The following ERC2 variants were observed in gnomAD, a reference collection of about 807,000 sequenced individuals.
ERC2 encodes the protein ELKS/RAB6-interacting/CAST family member 2.
In ERC2, 42 loss-of-function variants were observed where a neutral mutation model predicts 114.8. The ratio of observed to expected loss-of-function variants is 0.37; its 90% CI spans 0.29 to 0.47. The LOEUF is 0.47. ERC2 is among the 20% of genes least tolerant of loss of function. The pLI is 0.99. For missense variants in ERC2, 939 were observed against 1,150.7 expected (o/e 0.82, Z 2.66); for synonymous variants, 454 against 425.5 (o/e 1.07, Z -0.82).
chr3:55,798,060 A>G (rs1375214841), intron 14 of ERC2, among the ~76,000 whole-genome samples: 2 of 152,206 alleles, frequency 1.3e-5, no homozygotes, highest in East Asian at 3.9e-4. Flanking sequence ...TGTGAATAGG[A>G]CATCAAGCAA....
intron 13 of ERC2, among the ~76,000 whole-genome samples, chr3:55,921,203 C>T (rs895445642): frequency 9.9e-5 from 15 of 152,030 alleles, no homozygotes; most frequent in Non-Finnish European, 2.1e-4. Context: ...CCTTAATTAC[C>T]CACCAACATG....
intron 17 of ERC2, among the ~76,000 whole-genome samples, chr3:55,678,091 A>T (rs754924538): frequency 2.6e-5 from 4 of 152,230 alleles, no homozygotes; most frequent in Non-Finnish European, 5.9e-5. Flanking sequence ...GACACCTTCC[A>T]GAGGAGTAGA....
intron 3 of ERC2, among the ~76,000 whole-genome samples, chr3:56,224,751 CA>C (rs1302884708): frequency 6.6e-6 from 1 of 152,198 alleles, no homozygotes; most frequent in Non-Finnish European, 1.5e-5. Context: ...GACAACTGCA[CA>C]TTATTCTCTT....
chr3:56,017,990 C>G (rs1169212451), intron 8 of ERC2, among the ~76,000 whole-genome samples: 1 of 152,044 alleles, frequency 6.6e-6, no homozygotes, highest in Non-Finnish European at 1.5e-5. Context: ...TGGAGTCTAG[C>G]AGAGAAGAGA....
At chr3:56,212,785 A>G (rs2049154834) in intron 3 of ERC2, among the ~76,000 whole-genome samples, 1 of 129,568 alleles carries the variant, frequency 7.7e-6, no homozygotes, top group East Asian at 2.1e-4. Context: ...TGGTATATAC[A>G]TATACATATA....
At chr3:55,953,713 G>C (rs1253611662) in intron 12 of ERC2, among the ~76,000 whole-genome samples, 1 of 152,090 alleles carries the variant, frequency 6.6e-6, no homozygotes, top group Non-Finnish European at 1.5e-5. Flanking sequence ...GATACAGGTA[G>C]AGGAGTCATG....
intron 12 of ERC2, among the ~76,000 whole-genome samples, chr3:55,973,478 C>T (rs1202089937): frequency 6.6e-6 from 1 of 152,182 alleles, no homozygotes; most frequent in Non-Finnish European, 1.5e-5. Flanking sequence ...TTCCCCACTG[C>T]CTTCAGAATA....
chr3:56,344,214 A>C (rs568903415), intron 2 of ERC2, among the ~76,000 whole-genome samples: 1 of 152,368 alleles, frequency 6.6e-6, no homozygotes, highest in East Asian at 1.9e-4. Context: ...GAAAAGGGCC[A>C]AGGCAGGCCT....
chr3:56,232,360 T>A (rs1017475723), intron 3 of ERC2, among the ~76,000 whole-genome samples: 1 of 152,102 alleles, frequency 6.6e-6, no homozygotes, highest in Non-Finnish European at 1.5e-5. Context: ...AATAATCCTC[T>A]CTTACCTAGA....
intron 12 of ERC2, among the ~76,000 whole-genome samples, chr3:55,985,356 CTAGG>C (rs1340752320): frequency 1.3e-5 from 2 of 152,050 alleles, no homozygotes; most frequent in Non-Finnish European, 2.9e-5. Context: ...ATGCTATGCC[CTAGG>C]TAATTAAAGT....
intron 15 of ERC2, among the ~76,000 whole-genome samples, chr3:55,717,300 TGTC>T: frequency 6.6e-6 from 1 of 152,332 alleles, no homozygotes; most frequent in South Asian, 2.1e-4. Flanking sequence ...CTTCTTTACC[TGTC>T]AGTCTATGGG....
At chr3:56,415,106 A>T (rs1404005250) in intron 2 of ERC2, among the ~76,000 whole-genome samples, 1 of 152,208 alleles carries the variant, frequency 6.6e-6, no homozygotes, top group Non-Finnish European at 1.5e-5. Flanking sequence ...TCCCCAGGTC[A>T]CACAGCCAAC....
chr3:55,742,730 A>T (rs1182020208), intron 14 of ERC2, among the ~76,000 whole-genome samples: 1 of 152,180 alleles, frequency 6.6e-6, no homozygotes, highest in African/African-American at 2.4e-5. Flanking sequence ...GTGACGAAAG[A>T]TCCTATTCAA....
intron 7 of ERC2, among the ~76,000 whole-genome samples, chr3:56,045,674 A>G (rs915046322): frequency 2.6e-5 from 4 of 152,174 alleles, no homozygotes; most frequent in African/African-American, 9.7e-5. Flanking sequence ...GGATTTCTGG[A>G]AATTAAGAGT....
At chr3:56,079,571 C>G (rs1169767250) in intron 7 of ERC2, among the ~76,000 whole-genome samples, 3 of 152,146 alleles carry the variant, frequency 2.0e-5, no homozygotes, top group Non-Finnish European at 2.9e-5. Flanking sequence ...CACTGTTACT[C>G]TGAGTGACAA....
At chr3:56,415,847 A>G (rs1490040310) in intron 2 of ERC2, among the ~76,000 whole-genome samples, 1 of 152,148 alleles carries the variant, frequency 6.6e-6, no homozygotes, top group Non-Finnish European at 1.5e-5. Flanking sequence ...AGCACAACAA[A>G]TAGGACAGCC....
At chr3:55,889,009 C>T (rs1408487241) in intron 13 of ERC2, among the ~76,000 whole-genome samples, 1 of 152,184 alleles carries the variant, frequency 6.6e-6, no homozygotes, top group Admixed American at 6.6e-5. Flanking sequence ...AATTGGATTG[C>T]CCAATAACCT....
At chr3:55,933,156 T>C (rs1302325885) in intron 13 of ERC2, among the ~76,000 whole-genome samples, 4 of 147,218 alleles carry the variant, frequency 2.7e-5, no homozygotes, top group Admixed American at 6.9e-5. Flanking sequence ...CTGCAGTGAG[T>C]AGAGATCGCG....
intron 1 of ERC2, among the ~76,000 whole-genome samples, chr3:56,468,030 G>C (rs1274249359): frequency 1.3e-5 from 2 of 152,064 alleles, no homozygotes; most frequent in African/African-American, 4.8e-5. Flanking sequence ...CCAATCCGGG[G>C]GTTTATACAT....
Sources: allele counts gnomAD v4.1 joint callset (sites outside exome capture counted in the v4.1 genomes callset), GRCh38; gene constraint gnomAD v4.1.1; transcripts MANE v1.5; gene names NCBI Gene and HGNC (gene_info 2026-07-23, HGNC 2026-07-21).